DNASE1L3: variants seen among roughly 807,000 people sequenced by gnomAD.
DNASE1L3 encodes the protein deoxyribonuclease gamma.
In DNASE1L3, 27 loss-of-function variants were observed where a neutral mutation model predicts 30.9. The observed-to-expected ratio is 0.87, with a 90% confidence interval of 0.64 to 1.20. The LOEUF is 1.20. Among genes scored for constraint, DNASE1L3 ranks in the 50% most tolerant of loss-of-function variants. DNASE1L3 has a pLI of 0.00. For synonymous variants in DNASE1L3, 135 were observed against 138.0 expected (o/e 0.98, Z 0.15); for missense variants, 364 against 378.2 (o/e 0.96, Z 0.31).
Position 58,208,200 on chromosome 3 carries a change from CA to C in DNASE1L3, c.230+17del. On this transcript the variant is annotated intron_variant, in intron 2 of 7. Transcript: ENST00000394549. ...ACTTGACCTTGAGCCCTAGAGGGCC[CA>C]CCCTTCCCCATGTTACCTGTTCAGC... 6.2e-7 allele frequency: 1 copy of C among 1,613,436 alleles called. No individual in the cohort carries two copies. Among genetic ancestry groups the C allele is most frequent in the African/African-American group, 1.3e-5 (1 of 75,036 alleles).
chr3:58,203,663 G>A (rs1301853865), intron 4 of DNASE1L3, among the ~76,000 whole-genome samples: 1 of 152,084 alleles, frequency 6.6e-6, no homozygotes, highest in Non-Finnish European at 1.5e-5. Flanking sequence ...AGCTGAGTGT[G>A]GTGGTGCATG....
chr3:58,205,641 TC>T, intron 2 of DNASE1L3, 81 bp from the exon 3 acceptor site: 1 of 1,205,248 alleles, frequency 8.3e-7, no homozygotes, highest in Admixed American at 1.7e-5. Flanking sequence ...CCAATCTGCC[TC>T]CATACGCCCA....
chr3:58,210,971 G>A lies in DNASE1L3; in HGVS notation c.-65C>T. On this transcript the variant is annotated 5_prime_UTR_variant, in exon 1 of 8. Coordinates refer to ENST00000394549, the MANE Select transcript of DNASE1L3 (RefSeq NM_004944.4). ...GCAGTGCTTGGAGTGCTGGATTCTG[G>A]CCACTTCCGCAGGCTCCACTGACTT... The A allele has an allele frequency of 6.3e-7, 1 of 1,585,658 alleles. No homozygotes were observed. Among genetic ancestry groups the A allele is most frequent in the Non-Finnish European group, 8.6e-7 (1 of 1,162,736 alleles).
At chr3:58,196,392 A>C (rs2097397406) in intron 6 of DNASE1L3, among the ~76,000 whole-genome samples, 1 of 150,970 alleles carries the variant, frequency 6.6e-6, no homozygotes, top group South Asian at 2.1e-4. Flanking sequence ...AAAATACAAA[A>C]AAAAAAAAAA....
In DNASE1L3 at chr3:58,200,927, T is replaced by A; in HGVS notation, c.546+70A>T. The A allele has an allele frequency of 7.8e-7, 1 of 1,274,288 alleles. No individual in the cohort carries two copies. The highest frequency in any genetic ancestry group is 1.5e-5 in the African/African-American group (1 of 68,382). 78.9% of individuals were successfully genotyped at this position (1,274,288 alleles called of 1,614,324 possible). On this transcript the variant is annotated intron_variant, in intron 5 of 7. Transcript: ENST00000394549. This position sits in a 1 kb window ranked among gnomAD's most constrained non-coding sequence, Gnocchi z 4.2. ...TTCCTCCTCCCCCTCCCTGGAGAGG[T>A]ACTCATCCCACTCAGGGACCAGAGC...
Position 58,209,044 on chromosome 3 carries a change from A to G in DNASE1L3, c.142-738T>C, listed in dbSNP as rs146375811. ...CACCTGAGGTCAGGAGTTCGAGACC[A>G]GCCTGGCCAACATGGTGAAACCCGC... On this transcript the variant is annotated intron_variant, in intron 1 of 7. Transcript: ENST00000394549. Among the ~76,000 whole-genome samples the G allele has an allele frequency of 1.4e-3, 207 of 152,344 alleles. 1 individual carries two copies. Among genetic ancestry groups the G allele is most frequent in the African/African-American group, 4.6e-3 (193 of 41,580 alleles).
rs2097395076 is a variant in DNASE1L3 at position 58,192,911 on chromosome 3, G to A, written c.802-108C>T. ...ACCAGGGAGGGGAGAGGAAATGCCCGAAGTCACCCCACAGAACACTTACTG... is the reference window on the plus strand; with the variant it reads ...ACCAGGGAGGGGAGAGGAAATGCCCAAAGTCACCCCACAGAACACTTACTG... On this transcript the variant is annotated intron_variant, in intron 7 of 7. Coordinates refer to ENST00000394549, the MANE Select transcript of DNASE1L3 (RefSeq NM_004944.4). This position sits in a 1 kb window ranked among gnomAD's most constrained non-coding sequence, Gnocchi z 4.8. 5.9e-6 allele frequency: 9 copies of A among 1,516,122 alleles called. No individual in the cohort carries two copies. Among genetic ancestry groups the A allele is most frequent in the African/African-American group, 2.8e-5 (2 of 71,750 alleles). The allele number at this position is 1,516,122 out of a possible 1,614,324, so 93.9% of individuals were successfully genotyped here.
intron 4 of DNASE1L3, among the ~76,000 whole-genome samples, chr3:58,203,485 G>A (rs879308598): frequency 1.1e-4 from 16 of 152,106 alleles, no homozygotes; most frequent in Non-Finnish European, 2.2e-4. Flanking sequence ...TGACTCCATC[G>A]AGCATTGCAT....
At position 58,192,869 on chromosome 3, in the gene DNASE1L3, C is replaced by T. The variant is rs934590246; in HGVS notation, c.802-66G>A. 9 of 1,584,774 alleles carry T rather than the reference C, an allele frequency of 5.7e-6. No homozygotes were observed. Among genetic ancestry groups the T allele is most frequent in the African/African-American group, 5.5e-5 (4 of 73,352 alleles). ...TGCCTGGGAGATGCTTTCATTTTAGCGATGAGCAAATTTAGGACCAGGGAG... is the reference window on the plus strand; with the variant it reads ...TGCCTGGGAGATGCTTTCATTTTAGTGATGAGCAAATTTAGGACCAGGGAG... On this transcript the variant is annotated intron_variant, in intron 7 of 7. Coordinates refer to ENST00000394549, the MANE Select transcript of DNASE1L3 (RefSeq NM_004944.4). The surrounding 1 kb of genome is among the most constrained non-coding windows in gnomAD (Gnocchi z 4.8).
At chr3:58,202,195 G>C (rs974960649) in intron 4 of DNASE1L3, among the ~76,000 whole-genome samples, 4 of 150,084 alleles carry the variant, frequency 2.7e-5, no homozygotes. Flanking sequence ...GCCCAGGCTG[G>C]AGTGCAATGG....
intron 4 of DNASE1L3, 86 bp downstream of exon 4, chr3:58,204,683 C>T: frequency 9.0e-7 from 1 of 1,112,170 alleles, no homozygotes; most frequent in Non-Finnish European, 1.3e-6. Context: ...AGCCTAATGC[C>T]TCCTTAATGG....
At chr3:58,208,580 G>C (rs1239152628) in intron 1 of DNASE1L3, among the ~76,000 whole-genome samples, 1 of 152,064 alleles carries the variant, frequency 6.6e-6, no homozygotes, top group Non-Finnish European at 1.5e-5. Context: ...TGTAATTCAA[G>C]CCCAGAGCCC....
chr3:58,198,708 G>T (rs928459568), intron 5 of DNASE1L3, among the ~76,000 whole-genome samples: 21 of 152,158 alleles, frequency 1.4e-4, no homozygotes, highest in African/African-American at 4.8e-4. Flanking sequence ...TTTTGTCCCT[G>T]GCTCAAACTA....
chr3:58,205,678 TTCA>T (rs1431038402), intron 2 of DNASE1L3, 118 bp from the exon 3 acceptor site: 1 of 811,426 alleles, frequency 1.2e-6, no homozygotes, highest in Non-Finnish European at 2.1e-6. Flanking sequence ...AGGGCCACTG[TTCA>T]TCATAACCTT....
chr3:58,199,308 A>T (rs1192853107), intron 5 of DNASE1L3, among the ~76,000 whole-genome samples: 1 of 152,198 alleles, frequency 6.6e-6, no homozygotes, highest in African/African-American at 2.4e-5. Context: ...CTTCTATAGA[A>T]ACAGGATTGA....
At chr3:58,208,428 G>A (rs1211747447) in intron 1 of DNASE1L3, 122 bp from the exon 2 acceptor site, 1 of 1,011,480 alleles carries the variant, frequency 9.9e-7, no homozygotes, top group Non-Finnish European at 1.5e-6. Flanking sequence ...TTTCTTCTCT[G>A]AACTAAATGA....
At chr3:58,203,831 T>A (rs1351988875) in intron 4 of DNASE1L3, among the ~76,000 whole-genome samples, 1 of 151,932 alleles carries the variant, frequency 6.6e-6, no homozygotes, top group Admixed American at 6.5e-5. Context: ...GAACATGAGC[T>A]CCTGAGGTGG....
At chr3:58,204,061 C>A (rs2097402351) in intron 4 of DNASE1L3, among the ~76,000 whole-genome samples, 1 of 151,952 alleles carries the variant, frequency 6.6e-6, no homozygotes, top group Non-Finnish European at 1.5e-5. Context: ...CCCGCTGCGG[C>A]CTGTGGAGGA....
Position 58,200,846 on chromosome 3 carries a change from A to G in DNASE1L3, c.546+151T>C. Reference sequence around the variant, plus strand: ...GGCAGATTTAGCAAAAGGGATACTTAGGGCTGAAGAAAGGCCTTAAAGAAT... The same window carrying G: ...GGCAGATTTAGCAAAAGGGATACTTGGGGCTGAAGAAAGGCCTTAAAGAAT... On this transcript the variant is annotated intron_variant, in intron 5 of 7. Transcript: ENST00000394549. The surrounding 1 kb of genome is among the most constrained non-coding windows in gnomAD (Gnocchi z 4.2). 2 of 552,992 alleles carry G rather than the reference A, an allele frequency of 3.6e-6. No individual in the cohort carries two copies. Among genetic ancestry groups the G allele is most frequent in the Admixed American group, 6.1e-5 (2 of 32,526 alleles). The allele number at this position is 552,992 out of a possible 1,614,324, so 34.3% of individuals were successfully genotyped here.
Sources: allele counts gnomAD v4.1 joint callset (sites outside exome capture counted in the v4.1 genomes callset), GRCh38; gene constraint gnomAD v4.1.1; non-coding constraint Gnocchi (gnomAD v3.1); transcripts MANE v1.5; gene names NCBI Gene and HGNC (gene_info 2026-07-23, HGNC 2026-07-21).